The following KIAA1217 variants were observed in gnomAD, a reference collection of about 807,000 sequenced individuals.
KIAA1217 encodes the protein KIAA1217.
A neutral mutation model predicts 163.9 loss-of-function variants in KIAA1217; 88 were observed. That is an observed-to-expected ratio of 0.54 (90% CI 0.45 to 0.64). The LOEUF (loss-of-function observed/expected upper bound fraction) is 0.64, where lower values mean the gene tolerates loss of function less well. KIAA1217 is among the 30% of genes least tolerant of loss of function. The pLI is 0.00. For missense variants in KIAA1217, 2,372 were observed against 2,475.0 expected (o/e 0.96, Z 0.88); for synonymous variants, 903 against 923.1 (o/e 0.98, Z 0.39).
intron 1 of KIAA1217, among the ~76,000 whole-genome samples, chr10:23,708,297 A>G (rs1837020213): frequency 6.6e-6 from 1 of 152,140 alleles, no homozygotes; most frequent in African/African-American, 2.4e-5. Context: ...GCAATTCAAG[A>G]TGAGATTTGG....
chr10:23,699,229 A>G (rs541403501), intron 1 of KIAA1217, among the ~76,000 whole-genome samples: 1 of 152,310 alleles, frequency 6.6e-6, no homozygotes, highest in South Asian at 2.1e-4. Context: ...GCCTGGTCCT[A>G]GGCAGAGCTG....
chr10:23,858,148 A>G (rs1181708769), intron 1 of KIAA1217, among the ~76,000 whole-genome samples: 1 of 152,054 alleles, frequency 6.6e-6, no homozygotes, highest in South Asian at 2.1e-4. Context: ...CCAAGGCCGG[A>G]TCTTCTTTCC....
chr10:24,137,282 C>A (rs74687753), intron 2 of KIAA1217, among the ~76,000 whole-genome samples: 1 of 152,228 alleles, frequency 6.6e-6, no homozygotes, highest in African/African-American at 2.4e-5. Flanking sequence ...CAGGCAGCCA[C>A]GTGTGGTGAT....
At chr10:24,407,746 G>A (rs74533905) in intron 3 of KIAA1217, among the ~76,000 whole-genome samples, 3,447 of 152,210 alleles carry the variant, frequency 0.023, 125 homozygotes, top group African/African-American at 0.076. Flanking sequence ...TTTCGAAAGC[G>A]TGACCTTGAT....
intron 3 of KIAA1217, among the ~76,000 whole-genome samples, chr10:24,387,461 A>G (rs1413791983): frequency 6.6e-6 from 1 of 152,236 alleles, no homozygotes; most frequent in Non-Finnish European, 1.5e-5. Flanking sequence ...TGAATGGGCA[A>G]AAACTGGAAG....
intron 16 of KIAA1217, 152 bp downstream of exon 16, chr10:24,533,389 C>A: frequency 4.4e-6 from 3 of 686,124 alleles, no homozygotes; most frequent in East Asian, 3.0e-5. Context: ...TTTGCTTTCC[C>A]AAGATGGCGC....
intron 2 of KIAA1217, among the ~76,000 whole-genome samples, chr10:24,307,413 G>A (rs934286691): frequency 2.0e-5 from 3 of 152,176 alleles, no homozygotes; most frequent in East Asian, 1.9e-4. Context: ...GTGCTTTGGC[G>A]CTGTGGAAAC....
At chr10:24,097,011 T>C (rs1169307049) in intron 2 of KIAA1217, among the ~76,000 whole-genome samples, 2 of 152,088 alleles carry the variant, frequency 1.3e-5, no homozygotes, top group African/African-American at 4.8e-5. Flanking sequence ...CAATACATTG[T>C]ATATAGGTAA....
chr10:23,811,391 G>A (rs550442129), intron 1 of KIAA1217, among the ~76,000 whole-genome samples: 37 of 150,160 alleles, frequency 2.5e-4, no homozygotes, highest in South Asian at 4.2e-4. Flanking sequence ...GAAGGGAGTG[G>A]GACTGGAGAG....
At chr10:24,130,101 C>G (rs1353471654) in intron 2 of KIAA1217, among the ~76,000 whole-genome samples, 1 of 152,190 alleles carries the variant, frequency 6.6e-6, no homozygotes, top group East Asian at 1.9e-4. Flanking sequence ...ATCCTTTCCT[C>G]CTTCAGTGTA....
At chr10:23,787,977 T>C (rs944536583) in intron 1 of KIAA1217, among the ~76,000 whole-genome samples, 6 of 152,056 alleles carry the variant, frequency 3.9e-5, no homozygotes, top group African/African-American at 1.2e-4. Flanking sequence ...GGAGGATCAG[T>C]TGAGGCCAGG....
chr10:24,025,645 T>C (rs1189095836), intron 2 of KIAA1217, among the ~76,000 whole-genome samples: 4 of 151,758 alleles, frequency 2.6e-5, no homozygotes, highest in Admixed American at 1.3e-4. Flanking sequence ...TTCATGAACA[T>C]GGTATGTCTC....
intron 10 of KIAA1217, 125 bp from the exon 11 acceptor site, chr10:24,519,998 G>A (rs1170961486): frequency 3.1e-5 from 35 of 1,111,400 alleles, no homozygotes; most frequent in Admixed American, 7.0e-5. Flanking sequence ...ACCACCACAC[G>A]AAAGGCAGGG....
intron 2 of KIAA1217, among the ~76,000 whole-genome samples, chr10:24,254,948 G>C (rs1564351051): frequency 6.6e-6 from 1 of 151,886 alleles, no homozygotes. Flanking sequence ...CTGCCTCCTG[G>C]GTTCAAGTGA....
chr10:24,473,331 C>T lies in KIAA1217; in HGVS notation c.950C>T (p.Thr317Ile), dbSNP rs1463963179. 2 of 1,586,932 alleles carry T rather than the reference C, an allele frequency of 1.3e-6. No homozygotes were observed. The highest frequency in any genetic ancestry group is 2.7e-5 in the African/African-American group (2 of 74,378). ...GCGATTCCAAATTCCCCACCGTCTA[C>T]TCCAGTGCCCCATTCCATGCCCCCC... is the stretch of plus-strand genomic sequence containing the variant. ...PHAIPNSPPSTPVPHSMPPSP... is the reference protein window; with the variant it reads ...PHAIPNSPPSIPVPHSMPPSP... The change falls in exon 6 of 21, where the codon ACT (threonine) becomes ATT (isoleucine). Residue 317 changes from threonine (T) to isoleucine (I), a missense_variant. Physicochemically the swap from Thr to Ile is moderately conservative, Grantham distance 89. Coordinates refer to ENST00000376454, the MANE Select transcript of KIAA1217 (RefSeq NM_019590.5).
At chr10:23,851,066 G>C (rs1445867805) in intron 1 of KIAA1217, among the ~76,000 whole-genome samples, 1 of 152,054 alleles carries the variant, frequency 6.6e-6, no homozygotes, top group South Asian at 2.1e-4. Context: ...ACAATGTGCA[G>C]GTTAGTTACA....
At chr10:24,428,848 T>G (rs1452457799) in intron 3 of KIAA1217, among the ~76,000 whole-genome samples, 1 of 144,576 alleles carries the variant, frequency 6.9e-6, no homozygotes, top group Non-Finnish European at 1.5e-5. Context: ...CAAGACCCCA[T>G]CTCTTTAAAG....
intron 3 of KIAA1217, among the ~76,000 whole-genome samples, chr10:24,389,886 G>C (rs2130777498): frequency 7.0e-6 from 1 of 143,090 alleles, no homozygotes; most frequent in Middle Eastern, 3.5e-3. Context: ...AGCTTGATCG[G>C]GTTGAGACTG....
At chr10:24,451,343 G>T (rs1395151459) in intron 5 of KIAA1217, among the ~76,000 whole-genome samples, 1 of 152,224 alleles carries the variant, frequency 6.6e-6, no homozygotes, top group Non-Finnish European at 1.5e-5. Flanking sequence ...GGGACAGGAA[G>T]AATGTTAAGG....
Sources: gnomAD v4.1 joint callset for allele counts (sites outside exome capture counted in the v4.1 genomes callset) on GRCh38, gnomAD v4.1.1 for gene constraint, MANE v1.5 for transcripts, NCBI Gene and HGNC (gene_info 2026-07-23, HGNC 2026-07-21) for gene names.